SCAPER: variants seen among roughly 807,000 people sequenced by gnomAD.
SCAPER encodes S-phase cyclin A associated protein in the ER.
Under a neutral mutation model 182.2 loss-of-function variants are expected in SCAPER, and 98 were observed. The observed-to-expected ratio is 0.54, with a 90% CI of 0.46 to 0.64. The LOEUF (loss-of-function observed/expected upper bound fraction) is 0.64. Among genes scored for constraint, SCAPER ranks in the 30% least tolerant of loss-of-function variants. The pLI, the probability that SCAPER is intolerant of heterozygous loss-of-function variation, is 0.00. For missense variants in SCAPER, 1,432 were observed against 1,690.0 expected, an observed-to-expected ratio of 0.85 and a Z score of 2.68; for synonymous variants, 605 against 564.6, an observed-to-expected ratio of 1.07 and a Z score of -1.01.
At chr15:76,389,225 G>C (rs1439283921) in intron 27 of SCAPER, among the ~76,000 whole-genome samples, 6 of 151,988 alleles carry the variant, frequency 3.9e-5, no homozygotes, top group African/African-American at 1.5e-4. Context: ...AATAGGCCAG[G>C]CATAGTGGCT....
intron 21 of SCAPER, among the ~76,000 whole-genome samples, chr15:76,625,203 T>C (rs1216822627): frequency 6.6e-6 from 1 of 152,046 alleles, no homozygotes; most frequent in Non-Finnish European, 1.5e-5. Flanking sequence ...AGGTGCTAGC[T>C]TTGGTAGGCC....
intron 21 of SCAPER, among the ~76,000 whole-genome samples, chr15:76,656,983 G>A (rs144308597): frequency 0.013 from 2,012 of 152,098 alleles, 23 homozygotes; most frequent in Middle Eastern, 0.02. Flanking sequence ...ATCACATCCA[G>A]ATGAAGTAGA....
At chr15:76,819,685 C>T (rs1195039585) in intron 5 of SCAPER, among the ~76,000 whole-genome samples, 1 of 152,198 alleles carries the variant, frequency 6.6e-6, no homozygotes, top group Non-Finnish European at 1.5e-5. Context: ...CGCCTCTCCT[C>T]CTCCAAAGGA....
At position 76,869,187 on chromosome 15, in the gene SCAPER, TCCA is replaced by T. The variant is rs1485896747; in HGVS notation, c.7-6657_7-6655del. ...CTAAAATAAAACTTAAAAGAAATGC[TCCA>T]GGATATTTGTCTGGGTAAAGAATTT... On this transcript the variant is annotated intron_variant, in intron 2 of 31. Transcript: ENST00000563290. Among the ~76,000 whole-genome samples, 480 of 152,176 alleles carry T rather than the reference TCCA, an allele frequency of 3.2e-3. 3 individuals carry two copies. The highest frequency in any genetic ancestry group is 6.0e-3 in the South Asian group (29 of 4,824).
At position 76,873,327 on chromosome 15, in the gene SCAPER, AAGGAAGGC is replaced by A. The variant is rs1180425167; in HGVS notation, c.6+10477_6+10484del. Among the ~76,000 whole-genome samples the A allele has an allele frequency of 8.8e-3, 908 of 102,664 alleles. 1 individual carries two copies. Among genetic ancestry groups the A allele is most frequent in the African/African-American group, 0.024 (601 of 24,696 alleles). The allele number at this position is 102,664 out of a possible 152,430, so 67.4% of individuals were successfully genotyped here. On this transcript the variant is annotated intron_variant, in intron 2 of 31. Transcript: ENST00000563290. ...GAAGGAAGGAAGGAAGGAAGGAAGGAAGGAAGGCAGGCAGGCAGGCAGGCAGGCAGGCA... is the reference window on the plus strand; with the variant it reads ...GAAGGAAGGAAGGAAGGAAGGAAGGAAGGCAGGCAGGCAGGCAGGCAGGCA...
chr15:76,873,404 C>T (rs1042901962), intron 2 of SCAPER, among the ~76,000 whole-genome samples: 4 of 147,832 alleles, frequency 2.7e-5, no homozygotes, highest in Non-Finnish European at 5.9e-5. Flanking sequence ...AGGGTGCCCA[C>T]TAAAAAATAA....
intron 29 of SCAPER, among the ~76,000 whole-genome samples, chr15:76,356,049 C>A (rs1344431770): frequency 6.6e-6 from 1 of 152,170 alleles, no homozygotes; most frequent in Non-Finnish European, 1.5e-5. Context: ...CTGATGAGAA[C>A]CCCCAACCCT....
intron 23 of SCAPER, among the ~76,000 whole-genome samples, chr15:76,521,801 TA>T (rs1156329766): frequency 2.0e-5 from 3 of 152,182 alleles, no homozygotes; most frequent in Non-Finnish European, 2.9e-5. Flanking sequence ...TAAATTTGTT[TA>T]AAAAATCTAT....
chr15:76,466,419 C>CTCTTCTTTTTTT (rs754649564), intron 25 of SCAPER, among the ~76,000 whole-genome samples: 2 of 37,394 alleles, frequency 5.3e-5, no homozygotes, highest in African/African-American at 1.6e-4. Context: ...GTTGGTTCTT[C>CTCTTCTTTTTTT]TTTTTTTTTT....
At chr15:76,572,256 G>A (rs2047483473) in intron 23 of SCAPER, among the ~76,000 whole-genome samples, 1 of 152,176 alleles carries the variant, frequency 6.6e-6, no homozygotes, top group African/African-American at 2.4e-5. Context: ...ACGTGTAGCA[G>A]TGTCTTCAAG....
intron 8 of SCAPER, among the ~76,000 whole-genome samples, chr15:76,776,328 A>T (rs2063742350): frequency 6.6e-6 from 1 of 152,182 alleles, no homozygotes; most frequent in Non-Finnish European, 1.5e-5. Flanking sequence ...ACACCAATGG[A>T]ACCCCTGTTC....
chr15:76,857,977 CA>C (rs2071550631), intron 3 of SCAPER, 98 bp from the exon 4 acceptor site: 9 of 814,698 alleles, frequency 1.1e-5, no homozygotes, highest in Admixed American at 4.8e-5. Flanking sequence ...CTAAACTACG[CA>C]AATCATTCAG....
At chr15:76,645,239 G>C (rs1162139804) in intron 21 of SCAPER, among the ~76,000 whole-genome samples, 1 of 151,998 alleles carries the variant, frequency 6.6e-6, no homozygotes, top group Non-Finnish European at 1.5e-5. Context: ...TATCTGCAGG[G>C]GGTCCTAGAA....
intron 24 of SCAPER, among the ~76,000 whole-genome samples, chr15:76,495,469 T>C (rs1027749694): frequency 1.3e-5 from 2 of 150,724 alleles, no homozygotes; most frequent in East Asian, 1.9e-4. Flanking sequence ...TCCCAGCTAC[T>C]TGGGAGGCTG....
chr15:76,895,858 G>A (rs1256489677), intron 1 of SCAPER, among the ~76,000 whole-genome samples: 1 of 151,976 alleles, frequency 6.6e-6, no homozygotes, highest in Non-Finnish European at 1.5e-5. Flanking sequence ...GGCTGACACA[G>A]TGAAACCCCA....
chr15:76,803,988 C>A (rs2065962461), intron 6 of SCAPER, among the ~76,000 whole-genome samples: 1 of 152,148 alleles, frequency 6.6e-6, no homozygotes, highest in South Asian at 2.1e-4. Flanking sequence ...TCGTATTATT[C>A]CCCTAATCAA....
chr15:76,664,222 C>A (rs145831890), intron 21 of SCAPER, among the ~76,000 whole-genome samples: 1 of 152,100 alleles, frequency 6.6e-6, no homozygotes, highest in Non-Finnish European at 1.5e-5. Flanking sequence ...TATACAAGGG[C>A]AGAAACAAGA....
At chr15:76,777,570 T>A (rs1193739713) in intron 8 of SCAPER, among the ~76,000 whole-genome samples, 1 of 152,104 alleles carries the variant, frequency 6.6e-6, no homozygotes, top group Non-Finnish European at 1.5e-5. Context: ...GGCACATGCC[T>A]GTAATCCGAG....
chr15:76,635,534 C>A (rs182398366), intron 21 of SCAPER, among the ~76,000 whole-genome samples: 1 of 151,518 alleles, frequency 6.6e-6, no homozygotes, highest in South Asian at 2.1e-4. Flanking sequence ...ATCTTCCTTG[C>A]CAATTTGGAT....
Sources: allele counts gnomAD v4.1 joint callset (sites outside exome capture counted in the v4.1 genomes callset), GRCh38; gene constraint gnomAD v4.1.1; transcripts MANE v1.5; gene names NCBI Gene and HGNC (gene_info 2026-07-23, HGNC 2026-07-21).